CDCA7L: variants seen among roughly 807,000 people sequenced by gnomAD.
CDCA7L encodes cell division cycle-associated 7-like protein.
In CDCA7L, 44 loss-of-function variants were observed where a neutral mutation model predicts 57.4. That is an observed-to-expected ratio of 0.77 (90% CI 0.60 to 0.98). The LOEUF is 0.98. Ranked by LOEUF, CDCA7L falls within the 50% of genes least tolerant of loss-of-function variation. CDCA7L has a pLI of 0.00. For synonymous variants in CDCA7L, 236 were observed against 202.8 expected (o/e 1.16, Z -1.39); for missense variants, 644 against 580.6 (o/e 1.11, Z -1.12).
At chr7:21,934,663 A>C (rs1315737090) in intron 1 of CDCA7L, among the ~76,000 whole-genome samples, 1 of 152,184 alleles carries the variant, frequency 6.6e-6, no homozygotes, top group Non-Finnish European at 1.5e-5. Context: ...ATACAACTCT[A>C]CACTATCTAC....
At position 21,912,771 on chromosome 7, in the gene CDCA7L, G is replaced by A. The variant is rs74462936; in HGVS notation, c.166-1017C>T. On this transcript the variant is annotated intron_variant, in intron 2 of 9. Transcript: ENST00000406877. The stretch of plus-strand genomic sequence containing the variant: ...CCCCAGGAATTTCTCTCGTGCAGGA[G>A]GTGAGAGGTGAACAACCATGGCTAG... Among the ~76,000 whole-genome samples, 812 of 152,316 alleles carry A rather than the reference G, an allele frequency of 5.3e-3. 11 individuals carry two copies. The highest frequency in any genetic ancestry group is 0.042 in the East Asian group (216 of 5,182).
chr7:21,921,813 G>A lies in CDCA7L; in HGVS notation c.25-4919C>T, dbSNP rs150084821. The stretch of plus-strand genomic sequence containing the variant: ...ATTCTCATCTGAAAGTGAAAAGACC[G>A]TTTCATTATTTATAATACTTGTTAA... On this transcript the variant is annotated intron_variant, in intron 1 of 9. Coordinates refer to ENST00000406877, the MANE Select transcript of CDCA7L (RefSeq NM_018719.5). 1.1e-4 allele frequency among the ~76,000 whole-genome samples: 17 copies of A among 151,526 alleles called. No individual in the cohort carries two copies. In the East Asian group the frequency reaches 2.1e-3, roughly 19 times the overall value.
At chr7:21,908,547 TACAGACCCACA>T (rs778015525) in intron 3 of CDCA7L, 40 bp from the exon 4 acceptor site, 2 of 1,426,242 alleles carry the variant, frequency 1.4e-6, no homozygotes, top group Non-Finnish European at 1.8e-6. Flanking sequence ...AAGACACTGT[TACAGACCCACA>T]AAAAAGACAT....
At chr7:21,936,727 T>A (rs1786177219) in intron 1 of CDCA7L, among the ~76,000 whole-genome samples, 1 of 152,122 alleles carries the variant, frequency 6.6e-6, no homozygotes, top group Non-Finnish European at 1.5e-5. Flanking sequence ...GAATGGAAGA[T>A]TGAAAGCTTT....
rs745338063 is a variant in CDCA7L at position 21,901,392 on chromosome 7, G to A, written c.*930C>T. ...TTCTTTTTTCAACGCTATCCTTAGA[G>A]TGAAAGTCAGAAAAAAATACTAGAA... is the stretch of plus-strand genomic sequence containing the variant. On this transcript the variant is annotated 3_prime_UTR_variant, in exon 10 of 10. Coordinates refer to ENST00000406877, the MANE Select transcript of CDCA7L (RefSeq NM_018719.5). The A allele has an allele frequency of 2.0e-5, 24 of 1,229,442 alleles. No homozygotes were observed. The highest frequency in any genetic ancestry group is 2.5e-5 in the Non-Finnish European group (24 of 950,520). 76.2% of individuals were successfully genotyped at this position (1,229,442 alleles called of 1,614,324 possible). A position where few individuals can be genotyped will look rare whatever the true frequency, so the allele number is the denominator to read the frequency against.
chr7:21,929,152 A>G (rs1031384071), intron 1 of CDCA7L, among the ~76,000 whole-genome samples: 15 of 152,202 alleles, frequency 9.9e-5, no homozygotes, highest in Non-Finnish European at 2.1e-4. Flanking sequence ...GTCAATATTC[A>G]ACATTCTTAA....
intron 1 of CDCA7L, among the ~76,000 whole-genome samples, chr7:21,936,681 T>G (rs1786175768): frequency 6.6e-6 from 1 of 151,672 alleles, no homozygotes; most frequent in Non-Finnish European, 1.5e-5. Context: ...TAAGGCTATA[T>G]ACGAAAAACC....
In CDCA7L at chr7:21,903,110, C is replaced by A; in HGVS notation, c.1202G>T (p.Trp401Leu). 1 of 1,613,352 alleles carries A rather than the reference C, an allele frequency of 6.2e-7. No homozygotes were observed. The highest frequency in any genetic ancestry group is 8.5e-7 in the Non-Finnish European group (1 of 1,179,792). ...GATCCCACGACAGGGGGGACACACC[C>A]AATCCTAACAGAGAGATGACAGCAG... is the stretch of plus-strand genomic sequence containing the variant. ...DVRSALLDPD[W>L]VCPPCRGICN... The change falls in exon 9 of 10, where the codon TGG becomes TTG. Residue 401 changes from tryptophan (W) to leucine (L), a missense_variant. Coordinates refer to ENST00000406877, the MANE Select transcript of CDCA7L (RefSeq NM_018719.5).
In CDCA7L at chr7:21,904,148, G is replaced by A. The variant is rs768924803; in HGVS notation, c.1159C>T (p.Arg387Cys). 17 of 1,611,960 alleles carry A rather than the reference G, an allele frequency of 1.1e-5. No individual in the cohort carries two copies. The highest frequency in any genetic ancestry group is 4.0e-5 in the African/African-American group (3 of 74,810). ...GQFCGPCLRN[R>C]YGEDVRSALL... ...GCCGATCTGACATCCTCCCCATAGCGGTTCCGCAGGCATGGTCCACAGAAC... is the reference window on the plus strand; with the variant it reads ...GCCGATCTGACATCCTCCCCATAGCAGTTCCGCAGGCATGGTCCACAGAAC... Residue 387 changes from arginine (R) to cysteine (C), a missense_variant, in exon 8 of 10, where the codon CGC (arginine) becomes TGC (cysteine). Transcript: ENST00000406877.
At chr7:21,903,631 G>C in intron 8 of CDCA7L, 1 of 109,938 alleles carries the variant, frequency 9.1e-6, no homozygotes, top group East Asian at 4.4e-4. Flanking sequence ...ATGATACTAT[G>C]TCTCATTTTA....
intron 1 of CDCA7L, among the ~76,000 whole-genome samples, chr7:21,924,271 C>T (rs1785756738): frequency 6.6e-6 from 1 of 152,130 alleles, no homozygotes. Flanking sequence ...TTCTGATATA[C>T]TCCAAGAATA....
intron 1 of CDCA7L, among the ~76,000 whole-genome samples, chr7:21,931,376 C>T (rs1034742438): frequency 1.3e-4 from 20 of 152,154 alleles, no homozygotes; most frequent in African/African-American, 4.1e-4. Flanking sequence ...TTCACATTGG[C>T]AATAAAATAC....
intron 1 of CDCA7L, among the ~76,000 whole-genome samples, chr7:21,928,997 A>T (rs533703829): frequency 6.6e-6 from 1 of 152,186 alleles, no homozygotes; most frequent in Non-Finnish European, 1.5e-5. Context: ...CCCAAGACAC[A>T]TAATCATCAG....
intron 1 of CDCA7L, among the ~76,000 whole-genome samples, chr7:21,927,723 AC>A (rs1785871172): frequency 6.6e-6 from 1 of 152,224 alleles, no homozygotes; most frequent in Non-Finnish European, 1.5e-5. Flanking sequence ...TTTCAAAGAC[AC>A]CATATAATCA....
rs755459710 is a variant in CDCA7L at position 21,900,987 on chromosome 7, C to A, written c.*1335G>T. The A allele has an allele frequency of 7.7e-6, 12 of 1,558,144 alleles. No homozygotes were observed. In the African/African-American group the frequency reaches 1.6e-4, roughly 21 times the overall value. On this transcript the variant is annotated 3_prime_UTR_variant, in exon 10 of 10. Coordinates refer to ENST00000406877, the MANE Select transcript of CDCA7L (RefSeq NM_018719.5). ...GTAGCAAGCTGCCACACAATTGCAA[C>A]CGCTGTGTTTTTGCCATAGGCGCCC...
rs982614110 is a variant in CDCA7L, at chr7:21,904,167, A to G, written c.1140T>C (p.Cys380=). ...QGCCGVRGQF[C]GPCLRNRYGE... ...CATAGCGGTTCCGCAGGCATGGTCC[A>G]CAGAACTGTCCTCGCACACCACAGC... The change falls in exon 8 of 10, where the codon TGT becomes TGC. Residue 380 remains cysteine (C), a synonymous_variant. Coordinates refer to ENST00000406877, the MANE Select transcript of CDCA7L (RefSeq NM_018719.5). 8.7e-6 allele frequency: 14 copies of G among 1,613,572 alleles called. No homozygotes were observed. Among genetic ancestry groups the G allele is most frequent in the Middle Eastern group, 1.6e-4 (1 of 6,082 alleles).
intron 8 of CDCA7L, 91 bp from the exon 9 acceptor site, chr7:21,903,205 C>G (rs1253215895): frequency 9.0e-6 from 11 of 1,228,270 alleles, no homozygotes; most frequent in Non-Finnish European, 1.2e-5. Context: ...CAGCTGGCCT[C>G]TCCTCCAACC....
intron 8 of CDCA7L, 41 bp from the exon 9 acceptor site, chr7:21,903,155 C>T: frequency 1.3e-6 from 2 of 1,589,284 alleles, no homozygotes; most frequent in Admixed American, 3.4e-5. Context: ...TCATTATCTA[C>T]AGGGTCTGGC....
At chr7:21,906,484 ACTGGGGACTCTCTCGAATAAAAGCCGT>A in intron 5 of CDCA7L, 28 bp from the exon 6 acceptor site, 1 of 1,611,294 alleles carries the variant, frequency 6.2e-7, no homozygotes, top group South Asian at 1.1e-5. Flanking sequence ...GACAGAGACA[ACTGGGGACTCTCTCGAATAAAAGCCGT>A]CTGGTGGCTG....
Sources: allele counts gnomAD v4.1 joint callset (sites outside exome capture counted in the v4.1 genomes callset), GRCh38; gene constraint gnomAD v4.1.1; transcripts MANE v1.5; gene names NCBI Gene and HGNC (gene_info 2026-07-23, HGNC 2026-07-21).